ARHGAP42: variants seen among roughly 807,000 people sequenced by gnomAD.
The protein encoded by ARHGAP42 is Rho GTPase activating protein 42.
Under a neutral mutation model 125.0 loss-of-function variants are expected in ARHGAP42, and 63 were observed. The ratio of observed to expected loss-of-function variants is 0.50; its 90% confidence interval spans 0.41 to 0.62. The LOEUF is 0.62. ARHGAP42 is among the 20% of genes least tolerant of loss of function. The probability of loss-of-function intolerance (pLI) is 0.00; values close to 1 mark genes in which losing one functional copy is unlikely to be tolerated. For synonymous variants in ARHGAP42, 339 were observed against 351.0 expected, an observed-to-expected ratio of 0.97 and a Z score of 0.38; for missense variants, 766 against 1,024.2, an observed-to-expected ratio of 0.75 and a Z score of 3.44.
intron 3 of ARHGAP42, among the ~76,000 whole-genome samples, chr11:100,818,902 CAT>C (rs1864338183): frequency 6.6e-6 from 1 of 151,966 alleles, no homozygotes; most frequent in South Asian, 2.1e-4. Flanking sequence ...GGAAAGAAGA[CAT>C]AAGCAAATGT....
intron 6 of ARHGAP42, among the ~76,000 whole-genome samples, chr11:100,927,516 A>C (rs1426108719): frequency 2.0e-5 from 3 of 152,210 alleles, no homozygotes; most frequent in African/African-American, 2.4e-5. Context: ...GAAAATTAGA[A>C]ATTTGTGATA....
rs762153492 is a variant in ARHGAP42 at position 100,992,274 on chromosome 11, C to T, written c.*3473C>T. 16 of 1,545,642 alleles carry T rather than the reference C, an allele frequency of 1.0e-5. No homozygotes were observed. Among genetic ancestry groups the T allele is most frequent in the Non-Finnish European group, 1.4e-5 (16 of 1,150,884 alleles). On this transcript the variant is annotated 3_prime_UTR_variant, in exon 24 of 24. Transcript: ENST00000298815. ...TTTAGGGAACAGATTTTGTTCTTTG[C>T]TTTTATGATACATTTGTAACTCACA...
chr11:100,795,268 A>G, intron 3 of ARHGAP42, 102 bp downstream of exon 3: 1 of 712,048 alleles, frequency 1.4e-6, no homozygotes, highest in Non-Finnish European at 2.2e-6. Flanking sequence ...AGGCCTTATG[A>G]TTTGACACGT....
chr11:100,690,018 A>T (rs1425829279), intron 1 of ARHGAP42, among the ~76,000 whole-genome samples: 1 of 152,040 alleles, frequency 6.6e-6, no homozygotes, highest in Non-Finnish European at 1.5e-5. Flanking sequence ...CCCTGCCCTG[A>T]CCACTAGCCC....
chr11:100,957,515 C>G (rs1202844119), intron 12 of ARHGAP42, among the ~76,000 whole-genome samples: 1 of 152,064 alleles, frequency 6.6e-6, no homozygotes, highest in Non-Finnish European at 1.5e-5. Flanking sequence ...CTTAGGTTTT[C>G]CTGGCTTTAA....
chr11:100,709,649 G>C (rs1364009633), intron 1 of ARHGAP42, among the ~76,000 whole-genome samples: 1 of 152,170 alleles, frequency 6.6e-6, no homozygotes, highest in African/African-American at 2.4e-5. Flanking sequence ...CCACTATATG[G>C]AATATTTTTC....
At chr11:100,794,207 G>A (rs912247528) in intron 2 of ARHGAP42, among the ~76,000 whole-genome samples, 2 of 147,088 alleles carry the variant, frequency 1.4e-5, no homozygotes, top group Non-Finnish European at 3.0e-5. Flanking sequence ...TTGAAAAATT[G>A]ATATGGGTGA....
rs571602365 is a variant in ARHGAP42, at chr11:100,891,004, G to A, written c.385-22448G>A. On this transcript the variant is annotated intron_variant, in intron 4 of 23. Coordinates refer to ENST00000298815, the MANE Select transcript of ARHGAP42 (RefSeq NM_152432.4). ...TAATGAGTTGCACTCAGCATCTTGA[G>A]GCAGATGAGTCAGAGATGCCTTTCC... Among the ~76,000 whole-genome samples, 4 of 152,300 alleles carry A rather than the reference G, an allele frequency of 2.6e-5. No homozygotes were observed. The East Asian group carries it at 5.8e-4, about 22-fold the overall frequency.
intron 4 of ARHGAP42, among the ~76,000 whole-genome samples, chr11:100,887,099 C>T (rs1866109574): frequency 6.6e-6 from 1 of 152,080 alleles, no homozygotes; most frequent in African/African-American, 2.4e-5. Flanking sequence ...CCTTTAACTT[C>T]TTTGAGAAGA....
chr11:100,809,428 A>G (rs1376804852), intron 3 of ARHGAP42, among the ~76,000 whole-genome samples: 1 of 152,216 alleles, frequency 6.6e-6, no homozygotes, highest in Non-Finnish European at 1.5e-5. Context: ...CAATCACTCC[A>G]ACTCTTGTCT....
intron 1 of ARHGAP42, among the ~76,000 whole-genome samples, chr11:100,692,502 C>G (rs1020504209): frequency 6.6e-6 from 1 of 152,176 alleles, no homozygotes; most frequent in African/African-American, 2.4e-5. Context: ...TTTTCTCACA[C>G]TTTTCCCAGT....
rs912316316 is a variant in ARHGAP42 at position 100,745,859 on chromosome 11, TATTA to T, written c.155-24480_155-24477del. Among the ~76,000 whole-genome samples the T allele has an allele frequency of 9.4e-4, 143 of 152,358 alleles. 2 individuals are homozygous for T. Among genetic ancestry groups the T allele is most frequent in the African/African-American group, 3.4e-3 (141 of 41,578 alleles). Reference sequence around the variant, plus strand: ...GATGTAGTTTATCCAATTTACATTTTATTAATTGTCACCCACCAAAATATTGACT... The same window carrying T: ...GATGTAGTTTATCCAATTTACATTTTATTGTCACCCACCAAAATATTGACT... On this transcript the variant is annotated intron_variant, in intron 1 of 23. Coordinates refer to ENST00000298815, the MANE Select transcript of ARHGAP42 (RefSeq NM_152432.4).
chr11:100,746,975 G>A lies in ARHGAP42; in HGVS notation c.155-23368G>A, dbSNP rs182271073. On this transcript the variant is annotated intron_variant, in intron 1 of 23. Coordinates refer to ENST00000298815, the MANE Select transcript of ARHGAP42 (RefSeq NM_152432.4). ...TCCATCCCTTTCCGCCATACTAGTAGCAGTCTCAGTGGTTAGCAGCACAAG... is the reference window on the plus strand; with the variant it reads ...TCCATCCCTTTCCGCCATACTAGTAACAGTCTCAGTGGTTAGCAGCACAAG... 1.5e-3 allele frequency among the ~76,000 whole-genome samples: 228 copies of A among 152,250 alleles called. 3 individuals carry two copies. The highest frequency in any genetic ancestry group is 3.2e-4 in the Non-Finnish European group (22 of 68,016).
intron 1 of ARHGAP42, among the ~76,000 whole-genome samples, chr11:100,700,037 C>T (rs1378807611): frequency 1.3e-5 from 2 of 151,910 alleles, no homozygotes; most frequent in Admixed American, 6.6e-5. Flanking sequence ...TTTATTATAC[C>T]GGCAGATGTC....
chr11:100,828,259 TA>T (rs3216143), intron 3 of ARHGAP42, among the ~76,000 whole-genome samples: 29 of 149,176 alleles, frequency 1.9e-4, no homozygotes, highest in South Asian at 1.3e-3. Flanking sequence ...TTCCCCAGTT[TA>T]AAAAAAAAAA....
intron 1 of ARHGAP42, among the ~76,000 whole-genome samples, chr11:100,720,650 T>A (rs1032083077): frequency 4.0e-5 from 6 of 150,442 alleles, no homozygotes; most frequent in African/African-American, 1.5e-4. Context: ...ATATTTAACG[T>A]TAATTGTATA....
At chr11:100,876,005 T>TTAA (rs3065607) in intron 4 of ARHGAP42, among the ~76,000 whole-genome samples, 10,736 of 152,184 alleles carry the variant, frequency 0.071, 521 homozygotes, top group East Asian at 0.24. Flanking sequence ...TATAAAATGC[T>TTAA]TAACTCTTTG....
intron 4 of ARHGAP42, chr11:100,860,052 C>A (rs1343509933): frequency 6.6e-6 from 1 of 152,094 alleles, no homozygotes; most frequent in East Asian, 1.9e-4. Context: ...TGTCACAAAC[C>A]CTTTTTGTTA....
Position 100,774,755 on chromosome 11 carries a change from T to C in ARHGAP42, c.250+4317T>C, listed in dbSNP as rs901652918. On this transcript the variant is annotated intron_variant, in intron 2 of 23. Transcript: ENST00000298815. ...TTATTCTATCAGTATAATTGCCTAA[T>C]TATGAAAGTTGTTCTGGGAGGGTGT... 7.2e-5 allele frequency among the ~76,000 whole-genome samples: 11 copies of C among 152,172 alleles called. 1 individual carries two copies. The highest frequency in any genetic ancestry group is 1.5e-5 in the Non-Finnish European group (1 of 68,038).
Sources: gnomAD v4.1 joint callset for allele counts (sites outside exome capture counted in the v4.1 genomes callset) on GRCh38, gnomAD v4.1.1 for gene constraint, MANE v1.5 for transcripts, NCBI Gene and HGNC (gene_info 2026-07-23, HGNC 2026-07-21) for gene names.